SMARCA4: variants seen among roughly 807,000 people sequenced by gnomAD.
SMARCA4 encodes the protein SWI/SNF related BAF chromatin remodeling complex subunit ATPase 4.
A neutral mutation model predicts 193.9 loss-of-function variants in SMARCA4; 31 were observed. That is an observed-to-expected ratio of 0.16 (90% CI 0.12 to 0.22). The LOEUF is 0.22. Ranked by LOEUF, SMARCA4 falls within the 10% of genes least tolerant of loss-of-function variation. The pLI is 1.00. For missense variants in SMARCA4, 1,148 were observed against 2,296.0 expected (o/e 0.50, Z 10.22); for synonymous variants, 942 against 933.1 (o/e 1.01, Z -0.17).
intron 15 of SMARCA4, chr19:11,011,808 G>T (rs899435603): frequency 6.6e-6 from 1 of 152,234 alleles, no homozygotes; most frequent in East Asian, 1.9e-4. Context: ...GCCCTATGTC[G>T]ATCAGGTGTC....
At chr19:11,006,380 A>G (rs546229493) in intron 13 of SMARCA4, among the ~76,000 whole-genome samples, 1 of 152,356 alleles carries the variant, frequency 6.6e-6, no homozygotes, top group Non-Finnish European at 1.5e-5. Flanking sequence ...CAGTGTTATC[A>G]GACATATTGT....
intron 29 of SMARCA4, among the ~76,000 whole-genome samples, chr19:11,036,098 C>T (rs528904902): frequency 6.6e-6 from 1 of 152,310 alleles, no homozygotes; most frequent in East Asian, 1.9e-4. Context: ...CCAAGCTGTG[C>T]ACCAGAGGGC....
intron 9 of SMARCA4, chr19:10,995,463 G>T: frequency 4.4e-6 from 2 of 457,890 alleles, no homozygotes; most frequent in South Asian, 3.1e-5. Flanking sequence ...GGGCAGATAC[G>T]CGAATGAAGC....
chr19:10,963,417 G>A (rs1000682313), intron 1 of SMARCA4, among the ~76,000 whole-genome samples: 2 of 151,358 alleles, frequency 1.3e-5, no homozygotes, highest in African/African-American at 4.9e-5. Flanking sequence ...GTGCAGGACT[G>A]GGGGTGGATT....
In SMARCA4 at chr19:11,030,394, A is replaced by C. The variant is rs1468713546; in HGVS notation, c.3383-336A>C. On this transcript the variant is annotated intron_variant, in intron 24 of 34. Coordinates refer to ENST00000344626, the MANE Select transcript of SMARCA4 (RefSeq NM_003072.5). The surrounding 1 kb of genome is among the most constrained non-coding windows in gnomAD (Gnocchi z 5.5). The stretch of plus-strand genomic sequence containing the variant: ...CAGGGTAGAGTAGAGGAGAGAATCC[A>C]GGGCTGTGGTGGTGGTGGCTGTGCT... 1.3e-5 allele frequency among the ~76,000 whole-genome samples: 2 copies of C among 152,172 alleles called. No homozygotes were observed. Among genetic ancestry groups the C allele is most frequent in the Admixed American group, 1.3e-4 (2 of 15,252 alleles).
At chr19:10,988,044 TG>T in intron 6 of SMARCA4, 120 bp downstream of exon 6, 1 of 1,020,464 alleles carries the variant, frequency 9.8e-7, no homozygotes, top group African/African-American at 1.6e-5. Flanking sequence ...CACTGCCACT[TG>T]GCCTACACCT....
At position 11,030,848 on chromosome 19, in the gene SMARCA4, G is replaced by A. The variant is rs201875199; in HGVS notation, c.3501G>A (p.Ser1167=). ...GGGGGCTCGGCCTGAACCTCCAGTC[G>A]GCAGACACTGTGATCATTTTTGACA... is the stretch of plus-strand genomic sequence containing the variant. ...RAGGLGLNLQ[S]ADTVIIFDSD... The change falls in exon 25 of 35, where the codon TCG becomes TCA. Residue 1167 remains serine, a synonymous_variant. Coordinates refer to ENST00000344626, the MANE Select transcript of SMARCA4 (RefSeq NM_003072.5). The surrounding 1 kb of genome is among the most constrained non-coding windows in gnomAD (Gnocchi z 5.5). 5 of 1,609,488 alleles carry A rather than the reference G, an allele frequency of 3.1e-6. No individual in the cohort carries two copies. Among genetic ancestry groups the A allele is most frequent in the East Asian group, 2.2e-5 (1 of 44,762 alleles).
At chr19:11,008,414 A>T (rs937962525) in intron 14 of SMARCA4, 1 of 350,704 alleles carries the variant, frequency 2.9e-6, no homozygotes, top group African/African-American at 2.1e-5. Flanking sequence ...ATTTGCATAC[A>T]TATCTCCAGT....
In SMARCA4 at chr19:11,062,186, T is replaced by C. The variant is rs1453260442; in HGVS notation, c.*370T>C. On this transcript the variant is annotated 3_prime_UTR_variant, in exon 35 of 35. Coordinates refer to ENST00000344626, the MANE Select transcript of SMARCA4 (RefSeq NM_003072.5). ...CGTCCACTCCTCCTACTGTATTTTA[T>C]TGGACAGGTCAGACTCGCCGGGGGC... 1.0e-5 allele frequency: 4 copies of C among 390,852 alleles called. No homozygotes were observed. The highest frequency in any genetic ancestry group is 4.3e-5 in the East Asian group (1 of 23,258). 24.2% of individuals were successfully genotyped at this position (390,852 alleles called of 1,614,324 possible).
chr19:11,021,591 G>C, intron 18 of SMARCA4, 134 bp from the exon 19 acceptor site: 1 of 1,141,860 alleles, frequency 8.8e-7, no homozygotes, highest in Non-Finnish European at 1.3e-6. Context: ...CAGGACGTCA[G>C]GCCTGTGCTC....
chr19:11,021,127 A>G (rs2089829505), intron 18 of SMARCA4: 1 of 188,120 alleles, frequency 5.3e-6, no homozygotes, highest in Admixed American at 5.4e-5. Flanking sequence ...GTTGGCAGGC[A>G]CAGGAACCAG....
At chr19:10,981,935 C>T (rs1375241086) in intron 1 of SMARCA4, among the ~76,000 whole-genome samples, 1 of 152,158 alleles carries the variant, frequency 6.6e-6, no homozygotes, top group East Asian at 1.9e-4. Context: ...CTGCAGTGGG[C>T]TATGATGGCT....
intron 1 of SMARCA4, chr19:10,983,518 T>C: frequency 6.5e-6 from 1 of 153,588 alleles, no homozygotes; most frequent in East Asian, 2.0e-4. Context: ...CACCGCGATC[T>C]CCGTCTCCCA....
intron 1 of SMARCA4, chr19:10,961,633 T>A (rs534276407): frequency 1.3e-5 from 2 of 152,232 alleles, no homozygotes. Context: ...CCTCCAGATA[T>A]GTCCGGCGTC....
At chr19:10,991,994 A>C (rs537314217) in intron 8 of SMARCA4, among the ~76,000 whole-genome samples, 25 of 152,046 alleles carry the variant, frequency 1.6e-4, no homozygotes, top group Non-Finnish European at 3.1e-4. Context: ...TCAAGTAAGG[A>C]TTTGGGGATG....
At chr19:10,988,617 C>A (rs766000659) in intron 6 of SMARCA4, among the ~76,000 whole-genome samples, 2 of 152,284 alleles carry the variant, frequency 1.3e-5, no homozygotes, top group Non-Finnish European at 2.9e-5. Flanking sequence ...GTGCATGGCT[C>A]CTTCTACTCA....
intron 30 of SMARCA4, among the ~76,000 whole-genome samples, chr19:11,052,048 T>C (rs1346919004): frequency 6.6e-6 from 1 of 152,064 alleles, no homozygotes. Flanking sequence ...TGAGCCGAGA[T>C]TGTGCCACTG....
intron 21 of SMARCA4, 32 bp downstream of exon 21, chr19:11,024,470 C>T (rs1265811368): frequency 1.4e-6 from 2 of 1,404,028 alleles, no homozygotes; most frequent in Non-Finnish European, 2.0e-6. Context: ...CTGCATTCCC[C>T]ACTGGGTGTC....
At position 11,030,927 on chromosome 19, in the gene SMARCA4, G is replaced by A. The variant is rs1365375404; in HGVS notation, c.3546+34G>A. ...GGGCCGGGCCCCAGGTCGAGGAGAA[G>A]GAAGGGGGTGCCTGCAAAACCTCGA... is the stretch of plus-strand genomic sequence containing the variant. On this transcript the variant is annotated intron_variant, in intron 25 of 34. Coordinates refer to ENST00000344626, the MANE Select transcript of SMARCA4 (RefSeq NM_003072.5). The surrounding 1 kb of genome is among the most constrained non-coding windows in gnomAD (Gnocchi z 5.5). The A allele has an allele frequency of 3.8e-6, 6 of 1,596,030 alleles. No homozygotes were observed. The East Asian group carries it at 1.1e-4, about 30-fold the overall frequency.
Sources: allele counts gnomAD v4.1 joint callset (sites outside exome capture counted in the v4.1 genomes callset), GRCh38; gene constraint gnomAD v4.1.1; non-coding constraint Gnocchi (gnomAD v3.1); transcripts MANE v1.5; gene names NCBI Gene and HGNC (gene_info 2026-07-23, HGNC 2026-07-21).